The following CDC20B variants were observed in gnomAD, a reference collection of about 807,000 sequenced individuals.
CDC20B encodes the protein cell division cycle 20B.
In CDC20B, 58 loss-of-function variants were observed where a neutral mutation model predicts 64.1. The ratio of observed to expected loss-of-function variants is 0.90; its 90% CI spans 0.73 to 1.13. CDC20B has a LOEUF of 1.13. Among genes scored for constraint, CDC20B ranks in the 50% most tolerant of loss-of-function variants. The pLI is 0.00. For missense variants in CDC20B, 597 were observed against 633.0 expected, an observed-to-expected ratio of 0.94 and a Z score of 0.61; for synonymous variants, 243 against 230.6, an observed-to-expected ratio of 1.05 and a Z score of -0.49.
At chr5:55,147,513 G>A (rs1284466744) in intron 2 of CDC20B, among the ~76,000 whole-genome samples, 2 of 146,700 alleles carry the variant, frequency 1.4e-5, no homozygotes, top group Admixed American at 1.4e-4. Flanking sequence ...ATATAAAAAT[G>A]TTACGTATTT....
chr5:55,149,303 T>C (rs1743592079), intron 2 of CDC20B, among the ~76,000 whole-genome samples: 2 of 152,188 alleles, frequency 1.3e-5, no homozygotes, highest in Admixed American at 6.5e-5. Context: ...TTGTGGAAGA[T>C]TAGTTTGGTG....
chr5:55,115,336 A>T (rs563515345), intron 11 of CDC20B, among the ~76,000 whole-genome samples: 1 of 152,364 alleles, frequency 6.6e-6, no homozygotes, highest in South Asian at 2.1e-4. Context: ...AAAATTAAAC[A>T]TTTCCTTATT....
chr5:55,130,232 T>C (rs1007728294), intron 6 of CDC20B, among the ~76,000 whole-genome samples: 12 of 151,534 alleles, frequency 7.9e-5, no homozygotes, highest in Admixed American at 4.6e-4. Context: ...AATGGAAAAA[T>C]ATAATATCTG....
intron 2 of CDC20B, among the ~76,000 whole-genome samples, chr5:55,150,505 ACTT>A (rs1186268654): frequency 6.6e-6 from 1 of 152,194 alleles, no homozygotes; most frequent in Non-Finnish European, 1.5e-5. Flanking sequence ...ACCAAAGAGA[ACTT>A]CTTTCGCAGA....
chr5:55,158,756 T>C (rs915433826), intron 2 of CDC20B, among the ~76,000 whole-genome samples: 1 of 152,160 alleles, frequency 6.6e-6, no homozygotes, highest in Non-Finnish European at 1.5e-5. Context: ...GTGAATGGCT[T>C]TTAGGATATA....
intron 2 of CDC20B, chr5:55,165,941 G>T (rs78932953): frequency 6.6e-6 from 1 of 152,178 alleles, no homozygotes; most frequent in African/African-American, 2.4e-5. Context: ...GATTGTTAGC[G>T]AAGAAAACAG....
chr5:55,156,033 G>T (rs905746042), intron 2 of CDC20B, among the ~76,000 whole-genome samples: 1 of 152,216 alleles, frequency 6.6e-6, no homozygotes, highest in African/African-American at 2.4e-5. Context: ...AAAGGAAAGA[G>T]ATTTAATGGA....
intron 2 of CDC20B, among the ~76,000 whole-genome samples, chr5:55,157,183 T>C (rs1024422260): frequency 2.0e-5 from 3 of 152,222 alleles, no homozygotes; most frequent in African/African-American, 7.2e-5. Flanking sequence ...TGGTGGTTTT[T>C]CTAACATACT....
intron 2 of CDC20B, among the ~76,000 whole-genome samples, chr5:55,154,833 A>C (rs1315741414): frequency 6.6e-6 from 1 of 152,218 alleles, no homozygotes; most frequent in Non-Finnish European, 1.5e-5. Flanking sequence ...TTAATTTTAG[A>C]AAAATAAATT....
chr5:55,152,028 G>A (rs1447265323), intron 2 of CDC20B, among the ~76,000 whole-genome samples: 1 of 152,264 alleles, frequency 6.6e-6, no homozygotes, highest in African/African-American at 2.4e-5. Context: ...GAGGAAGGCA[G>A]AGGGAGATGT....
intron 2 of CDC20B, among the ~76,000 whole-genome samples, chr5:55,153,009 C>T (rs1743711153): frequency 1.3e-5 from 2 of 152,114 alleles, no homozygotes; most frequent in South Asian, 4.2e-4. Context: ...GAGGCCAAGG[C>T]AGGTGGATGG....
chr5:55,140,232 A>G, intron 5 of CDC20B, 82 bp downstream of exon 5: 1 of 714,498 alleles, frequency 1.4e-6, no homozygotes, highest in East Asian at 3.0e-5. Context: ...TATTAAAAAT[A>G]ATATATTTTA....
In CDC20B at chr5:55,140,319, C is replaced by T; in HGVS notation, c.575G>A (p.Trp192Ter). The T allele has an allele frequency of 6.2e-7, 1 of 1,607,842 alleles. No homozygotes were observed. The highest frequency in any genetic ancestry group is 8.5e-7 in the Non-Finnish European group (1 of 1,176,262). Residue 192 changes from tryptophan (W) to a stop codon, truncating the protein, a stop_gained, in exon 5 of 12, where the codon TGG becomes TAG. Coordinates refer to ENST00000381375, the MANE Select transcript of CDC20B (RefSeq NM_001170402.1). LOFTEE classifies it high-confidence loss of function. Reference sequence around the variant, plus strand: ...ACAATGTCTTGATCCTGTACCTTTCCAAACACATTCGGATTGCTCACAGAG... The same window carrying T: ...ACAATGTCTTGATCCTGTACCTTTCTAAACACATTCGGATTGCTCACAGAG... ...MQLCEQSECV[W>*]KGCKDGVRDE...
At chr5:55,135,819 G>A (rs1319137643) in intron 5 of CDC20B, 1 of 145,612 alleles carries the variant, frequency 6.9e-6, no homozygotes, top group African/African-American at 2.6e-5. Flanking sequence ...TTCTATATGT[G>A]GCCCAAAACA....
intron 2 of CDC20B, among the ~76,000 whole-genome samples, chr5:55,157,677 G>A (rs2111920955): frequency 6.6e-6 from 1 of 152,314 alleles, no homozygotes; most frequent in Admixed American, 6.5e-5. Context: ...AAGCAAGTTT[G>A]TAACAGCATA....
At chr5:55,132,203 G>A (rs2111839247) in intron 6 of CDC20B, among the ~76,000 whole-genome samples, 1 of 152,272 alleles carries the variant, frequency 6.6e-6, no homozygotes, top group East Asian at 1.9e-4. Flanking sequence ...CTTGGAGAAG[G>A]AGCTGAAGGA....
At chr5:55,163,924 G>T (rs1437451851) in intron 2 of CDC20B, 2 of 608,868 alleles carry the variant, frequency 3.3e-6, no homozygotes, top group East Asian at 6.1e-5. Context: ...TCGTTTGGGT[G>T]TTTTGTTTTT....
chr5:55,120,578 C>T (rs1209715691), intron 9 of CDC20B, 28 bp from the exon 10 acceptor site: 13 of 1,610,414 alleles, frequency 8.1e-6, no homozygotes, highest in South Asian at 7.7e-5. Flanking sequence ...ATAGCACAGA[C>T]AGGTCAGCTT....
chr5:55,161,437 G>A (rs888669707), intron 2 of CDC20B, among the ~76,000 whole-genome samples: 1 of 152,166 alleles, frequency 6.6e-6, no homozygotes, highest in African/African-American at 2.4e-5. Flanking sequence ...TGAAATCAAT[G>A]TTTTAGCTTC....
Sources: gnomAD v4.1 joint callset for allele counts (sites outside exome capture counted in the v4.1 genomes callset) on GRCh38, gnomAD v4.1.1 for gene constraint, MANE v1.5 for transcripts, NCBI Gene and HGNC (gene_info 2026-07-23, HGNC 2026-07-21) for gene names.